COL6A5: variants seen among roughly 807,000 people sequenced by gnomAD.
The protein encoded by COL6A5 is collagen alpha-5(VI) chain.
A neutral mutation model predicts 65.6 loss-of-function variants in COL6A5; 48 were observed. The observed-to-expected ratio is 0.73, with a 90% CI of 0.58 to 0.93. COL6A5 has a LOEUF of 0.93. COL6A5 is among the 40% of genes least tolerant of loss of function. The pLI is 0.00. For synonymous variants in COL6A5, 291 were observed against 322.8 expected (o/e 0.90, Z 1.05); for missense variants, 914 against 928.3 (o/e 0.98, Z 0.20).
intron 2 of COL6A5, among the ~76,000 whole-genome samples, chr3:130,375,600 C>T (rs909836773): frequency 1.3e-5 from 2 of 152,012 alleles, no homozygotes; most frequent in Non-Finnish European, 2.9e-5. Context: ...CAACTTTGGC[C>T]CATTCTTACA....
intron 1 of COL6A5, among the ~76,000 whole-genome samples, chr3:130,360,633 C>T (rs1935074595): frequency 1.3e-5 from 2 of 152,062 alleles, no homozygotes; most frequent in Non-Finnish European, 2.9e-5. Flanking sequence ...ATTGCTTGCT[C>T]ATTGGGGATA....
intron 5 of COL6A5, among the ~76,000 whole-genome samples, chr3:130,462,801 G>A (rs1276059741): frequency 6.6e-6 from 1 of 152,084 alleles, no homozygotes; most frequent in African/African-American, 2.4e-5. Context: ...AGAAGGAACA[G>A]CCATTGGCTG....
At chr3:130,372,279 G>A (rs1315458354) in intron 1 of COL6A5, among the ~76,000 whole-genome samples, 1 of 151,874 alleles carries the variant, frequency 6.6e-6, no homozygotes, top group Non-Finnish European at 1.5e-5. Flanking sequence ...GTTAAACATA[G>A]AGTTATGATA....
chr3:130,420,484 G>T (rs1014765624), intron 25 of COL6A5, among the ~76,000 whole-genome samples: 1 of 152,036 alleles, frequency 6.6e-6, no homozygotes, highest in African/African-American at 2.4e-5. Flanking sequence ...ACACAGCAAT[G>T]AACATTCATG....
At chr3:130,437,158 C>T (rs1051169402) in intron 1 of COL6A5, among the ~76,000 whole-genome samples, 4 of 151,772 alleles carry the variant, frequency 2.6e-5, no homozygotes, top group African/African-American at 9.7e-5. Flanking sequence ...TTAATGTGTG[C>T]GTATATATGT....
At chr3:130,356,634 A>G (rs906536577) in intron 1 of COL6A5, among the ~76,000 whole-genome samples, 2 of 152,162 alleles carry the variant, frequency 1.3e-5, no homozygotes, top group African/African-American at 4.8e-5. Context: ...TTCTCTAACC[A>G]CAATGCATTA....
intron 5 of COL6A5, among the ~76,000 whole-genome samples, chr3:130,459,791 TCAAA>T (rs1189348256): frequency 6.6e-6 from 1 of 152,030 alleles, no homozygotes; most frequent in Admixed American, 6.6e-5. Flanking sequence ...AAGTTTCAAA[TCAAA>T]CAATTTAGCA....
At chr3:130,376,732 A>G in exon 3 of COL6A5, 1 of 1,613,652 alleles carries the variant, frequency 6.2e-7, no homozygotes. Context: ...TTCCATTTCA[A>G]CCTTCGGACA....
chr3:130,395,283 C>T (rs1439252036), exon 8 of COL6A5: 1 of 1,551,654 alleles, frequency 6.4e-7, no homozygotes, highest in South Asian at 1.2e-5. Flanking sequence ...GCAGTAAAAA[C>T]CCTGAAGGAC....
At chr3:130,352,218 G>A (rs1166501044) in intron 1 of COL6A5, among the ~76,000 whole-genome samples, 1 of 151,310 alleles carries the variant, frequency 6.6e-6, no homozygotes, top group Admixed American at 6.6e-5. Context: ...ATGATGAGTT[G>A]ATGGATACAG....
chr3:130,418,248 C>T (rs1360795991), intron 24 of COL6A5, among the ~76,000 whole-genome samples: 1 of 152,090 alleles, frequency 6.6e-6, no homozygotes, highest in Non-Finnish European at 1.5e-5. Flanking sequence ...TAAGGTTTCA[C>T]TGCTTACCTC....
At chr3:130,346,386 A>G (rs563689124) in intron 1 of COL6A5, among the ~76,000 whole-genome samples, 22 of 152,290 alleles carry the variant, frequency 1.4e-4, no homozygotes, top group African/African-American at 4.3e-4. Flanking sequence ...ACTTAGTCCT[A>G]CATTTGAGCC....
chr3:130,409,466 T>C (rs978098578), intron 18 of COL6A5, 78 bp downstream of exon 18: 1 of 1,260,010 alleles, frequency 7.9e-7, no homozygotes. Flanking sequence ...TTGTGTTTCC[T>C]GCCTACCCTG....
At chr3:130,384,371 T>A (rs1359844410) in intron 4 of COL6A5, among the ~76,000 whole-genome samples, 1 of 152,106 alleles carries the variant, frequency 6.6e-6, no homozygotes, top group African/African-American at 2.4e-5. Flanking sequence ...TCTAAGTTTA[T>A]ATTTAAATAT....
intron 4 of COL6A5, among the ~76,000 whole-genome samples, chr3:130,445,241 G>C (rs1709278739): frequency 6.6e-6 from 1 of 152,228 alleles, no homozygotes; most frequent in Admixed American, 6.5e-5. Flanking sequence ...AGAATTCACT[G>C]TAACACTTCA....
intron 5 of COL6A5, among the ~76,000 whole-genome samples, chr3:130,458,306 G>T (rs1183255393): frequency 2.6e-5 from 4 of 152,044 alleles, no homozygotes; most frequent in Non-Finnish European, 5.9e-5. Flanking sequence ...TCATATTTAG[G>T]AGTGTGAATG....
chr3:130,465,383 AC>A (rs1277746505), intron 5 of COL6A5, among the ~76,000 whole-genome samples: 1 of 152,018 alleles, frequency 6.6e-6, no homozygotes, highest in African/African-American at 2.4e-5. Flanking sequence ...CAGGGAAAGA[AC>A]CCTCTTAAAA....
At chr3:130,472,457 C>T (rs1251545369) in intron 7 of COL6A5, among the ~76,000 whole-genome samples, 1 of 151,912 alleles carries the variant, frequency 6.6e-6, no homozygotes, top group Non-Finnish European at 1.5e-5. Flanking sequence ...GGACCTACAG[C>T]TAAAAGCAAA....
At chr3:130,465,756 A>G (rs1010810455) in intron 5 of COL6A5, among the ~76,000 whole-genome samples, 1 of 152,092 alleles carries the variant, frequency 6.6e-6, no homozygotes, top group Non-Finnish European at 1.5e-5. Flanking sequence ...ACCAAACCAC[A>G]ACGGACACAG....
Sources: gnomAD v4.1 joint callset for allele counts (sites outside exome capture counted in the v4.1 genomes callset) on GRCh38, gnomAD v4.1.1 for gene constraint, MANE v1.5 for transcripts, NCBI Gene and HGNC (gene_info 2026-07-23, HGNC 2026-07-21) for gene names.